The following ZCCHC10 variants were observed in gnomAD, a reference collection of about 807,000 sequenced individuals.
ZCCHC10 encodes the protein zinc finger CCHC domain-containing protein 10.
In ZCCHC10, 16 loss-of-function variants were observed where a neutral mutation model predicts 19.5. That is an observed-to-expected ratio of 0.82 (90% CI 0.56 to 1.25). The LOEUF is 1.25. Among genes scored for constraint, ZCCHC10 ranks in the 50% most tolerant of loss-of-function variants. The pLI is 0.00. For synonymous variants in ZCCHC10, 67 were observed against 72.5 expected (o/e 0.92, Z 0.38); for missense variants, 197 against 201.0 (o/e 0.98, Z 0.12).
At chr5:133,010,633 C>T (rs1346228448) in intron 2 of ZCCHC10, among the ~76,000 whole-genome samples, 1 of 151,938 alleles carries the variant, frequency 6.6e-6, no homozygotes, top group African/African-American at 2.4e-5. Flanking sequence ...TAACAAAAAA[C>T]AGTTTTCGTA....
chr5:133,013,726 A>AAT (rs751817684), intron 2 of ZCCHC10, among the ~76,000 whole-genome samples: 103 of 151,902 alleles, frequency 6.8e-4, no homozygotes, highest in African/African-American at 2.3e-3. Context: ...CATCTCAAAC[A>AAT]ATATATATAT....
At chr5:133,000,256 A>C in intron 3 of ZCCHC10, 83 bp from the exon 4 acceptor site, 4 of 1,453,070 alleles carry the variant, frequency 2.8e-6, no homozygotes, top group Non-Finnish European at 2.8e-6. Flanking sequence ...TATCCCCCAA[A>C]TCATTTTACT....
intron 3 of ZCCHC10, among the ~76,000 whole-genome samples, chr5:133,004,056 T>C (rs184585950): frequency 1.5e-4 from 23 of 152,336 alleles, no homozygotes; most frequent in Admixed American, 1.2e-3. Flanking sequence ...TTTATGTATC[T>C]ATAAATAAAT....
intron 1 of ZCCHC10, among the ~76,000 whole-genome samples, 195 bp downstream of exon 1, chr5:133,026,302 C>T (rs1222924929): frequency 2.6e-5 from 4 of 152,246 alleles, no homozygotes; most frequent in Admixed American, 1.3e-4. Flanking sequence ...GCAGACTTTA[C>T]GCGGCTGTCT....
chr5:133,012,115 C>G (rs1460368279), intron 2 of ZCCHC10, among the ~76,000 whole-genome samples: 1 of 120,958 alleles, frequency 8.3e-6, no homozygotes, highest in Non-Finnish European at 1.6e-5. Flanking sequence ...CTAGCCTGAG[C>G]GACAGAGTGA....
intron 2 of ZCCHC10, 22 bp downstream of exon 2, chr5:133,022,818 TG>T: frequency 1.9e-6 from 1 of 532,250 alleles, no homozygotes; most frequent in Non-Finnish European, 3.3e-6. Flanking sequence ...AACCTGCAGT[TG>T]ACACAAAGCT....
At chr5:133,019,951 CAAAAAA>C (rs34652763) in intron 2 of ZCCHC10, among the ~76,000 whole-genome samples, 17 of 95,368 alleles carry the variant, frequency 1.8e-4, no homozygotes, top group African/African-American at 5.5e-4. Context: ...GACTCCAGCT[CAAAAAA>C]AAAAAAAAAG....
intron 2 of ZCCHC10, among the ~76,000 whole-genome samples, chr5:133,010,859 T>C (rs574748343): frequency 6.6e-6 from 1 of 152,106 alleles, no homozygotes; most frequent in South Asian, 2.1e-4. Context: ...TGGCGCAATC[T>C]CAGGTCACTG....
intron 2 of ZCCHC10, among the ~76,000 whole-genome samples, chr5:133,021,223 G>A (rs1365193971): frequency 6.6e-6 from 1 of 152,056 alleles, no homozygotes; most frequent in Non-Finnish European, 1.5e-5. Context: ...TAGAGACAGG[G>A]TTTCACCGTG....
rs112243062 is a variant in ZCCHC10 at position 133,020,906 on chromosome 5, T to C, written c.107+1935A>G. 3.6e-3 allele frequency among the ~76,000 whole-genome samples: 539 copies of C among 149,338 alleles called. 4 individuals are homozygous for C. Among genetic ancestry groups the C allele is most frequent in the African/African-American group, 0.013 (521 of 40,456 alleles). On this transcript the variant is annotated intron_variant, in intron 2 of 4. Coordinates refer to ENST00000509437, the MANE Select transcript of ZCCHC10 (RefSeq NM_001300816.3). ...CGGCTAATTTTTTGTATTTATTATT[T>C]TTTTTTTCTGAGACAAGTCTCGCTC...
Position 133,004,646 on chromosome 5 carries a change from G to A in ZCCHC10, c.269+2113C>T, listed in dbSNP as rs1229046455. Among the ~76,000 whole-genome samples, 6 of 151,792 alleles carry A rather than the reference G, an allele frequency of 4.0e-5. No homozygotes were observed. In the East Asian group the frequency reaches 7.8e-4, roughly 20 times the overall value. The stretch of plus-strand genomic sequence containing the variant: ...TGGGACTACAGGTGCCCACCACCAC[G>A]CCCGGCTGATTTTTTGTATCTTTTT... On this transcript the variant is annotated intron_variant, in intron 3 of 4. Coordinates refer to ENST00000509437, the MANE Select transcript of ZCCHC10 (RefSeq NM_001300816.3).
chr5:133,004,662 G>A (rs1218620834), intron 3 of ZCCHC10, among the ~76,000 whole-genome samples: 1 of 151,474 alleles, frequency 6.6e-6, no homozygotes, highest in Non-Finnish European at 1.5e-5. Context: ...CTGATTTTTT[G>A]TATCTTTTTA....
At chr5:133,023,633 G>T (rs967880244) in intron 1 of ZCCHC10, among the ~76,000 whole-genome samples, 1 of 151,722 alleles carries the variant, frequency 6.6e-6, no homozygotes, top group African/African-American at 2.4e-5. Flanking sequence ...AATTAGCCAG[G>T]CGGGTAGCAC....
intron 2 of ZCCHC10, among the ~76,000 whole-genome samples, chr5:133,015,873 A>C (rs73254815): frequency 0.02 from 3,105 of 152,326 alleles, 113 homozygotes; most frequent in African/African-American, 0.071. Flanking sequence ...TTGTGGGCTA[A>C]TACTTGAAAA....
intron 2 of ZCCHC10, among the ~76,000 whole-genome samples, chr5:133,008,368 T>C (rs1763270522): frequency 6.8e-6 from 1 of 147,802 alleles, no homozygotes; most frequent in African/African-American, 2.5e-5. Context: ...TGAAACCCTG[T>C]CTCTACTAAA....
Position 132,998,145 on chromosome 5 carries a change from C to T in ZCCHC10, c.*438G>A, listed in dbSNP as rs1054557110. On this transcript the variant is annotated 3_prime_UTR_variant, in exon 5 of 5. Coordinates refer to ENST00000509437, the MANE Select transcript of ZCCHC10 (RefSeq NM_001300816.3). Reference sequence around the variant, plus strand: ...CACATTTATTAATAGTAGGAAAACTCCTAAGCTTACAGTAACAACATATTA... The same window carrying T: ...CACATTTATTAATAGTAGGAAAACTTCTAAGCTTACAGTAACAACATATTA... 2 of 157,756 alleles carry T rather than the reference C, an allele frequency of 1.3e-5. No individual in the cohort carries two copies. The highest frequency in any genetic ancestry group is 1.9e-4 in the East Asian group (1 of 5,348). The allele number at this position is 157,756 out of a possible 1,614,324, so 9.8% of individuals were successfully genotyped here.
chr5:133,002,452 C>G (rs928075733), intron 3 of ZCCHC10, among the ~76,000 whole-genome samples: 2 of 151,986 alleles, frequency 1.3e-5, no homozygotes, highest in African/African-American at 4.8e-5. Flanking sequence ...AGTGATCCTC[C>G]CACCTTAGCT....
chr5:132,999,514 T>A (rs1762630687), intron 4 of ZCCHC10, among the ~76,000 whole-genome samples: 1 of 152,204 alleles, frequency 6.6e-6, no homozygotes, highest in African/African-American at 2.4e-5. Flanking sequence ...TTATTTTAAC[T>A]ACTTCAGACC....
At chr5:133,011,069 G>A (rs1029498855) in intron 2 of ZCCHC10, among the ~76,000 whole-genome samples, 1 of 151,744 alleles carries the variant, frequency 6.6e-6, no homozygotes, top group African/African-American at 2.4e-5. Flanking sequence ...TGGGATTACA[G>A]GTGTGAGCCA....
Sources: gnomAD v4.1 joint callset for allele counts (sites outside exome capture counted in the v4.1 genomes callset) on GRCh38, gnomAD v4.1.1 for gene constraint, MANE v1.5 for transcripts, NCBI Gene and HGNC (gene_info 2026-07-23, HGNC 2026-07-21) for gene names.